Variants in PCDHA7 observed in about 807,000 individuals in gnomAD.
PCDHA7 encodes protocadherin alpha 7.
In PCDHA7, 37 loss-of-function variants were observed where a neutral mutation model predicts 57.2. That is an observed-to-expected ratio of 0.65 (90% CI 0.50 to 0.85). PCDHA7 has a LOEUF of 0.85. Ranked by LOEUF, PCDHA7 falls within the 40% of genes least tolerant of loss-of-function variation. PCDHA7 has a pLI of 0.00. For synonymous variants in PCDHA7, 553 were observed against 558.8 expected, an observed-to-expected ratio of 0.99 and a Z score of 0.15; for missense variants, 1,188 against 1,241.8, an observed-to-expected ratio of 0.96 and a Z score of 0.65.
In PCDHA7 at chr5:140,846,371, T is replaced by C. The variant is rs1395202174; in HGVS notation, c.2355+9633T>C. On this transcript the variant is annotated intron_variant, in intron 1 of 3. Transcript: ENST00000525929. ...CTCTTTTTTCTTTTCTTTTCTTTCTTTCTTTTTTTTTTTTTTTTTTTGAGA... is the reference window on the plus strand; with the variant it reads ...CTCTTTTTTCTTTTCTTTTCTTTCTCTCTTTTTTTTTTTTTTTTTTTGAGA... Among the ~76,000 whole-genome samples the C allele has an allele frequency of 3.6e-5, 4 of 111,996 alleles. 2 individuals carry two copies. Among genetic ancestry groups the C allele is most frequent in the Non-Finnish European group, 7.2e-5 (4 of 55,194 alleles). 73.5% of individuals were successfully genotyped at this position (111,996 alleles called of 152,430 possible).
rs551245842 is a variant in PCDHA7, at chr5:140,927,508, C to G, written c.2356-51441C>G. 3.7e-6 allele frequency: 6 copies of G among 1,614,074 alleles called. No individual in the cohort carries two copies. In the Admixed American group the frequency reaches 5.0e-5, roughly 13 times the overall value. ...CACCCACCTGCTGGTGCTTACAGCT[C>G]GGGACGGCGGGCTACCTGCCCGCTC... On this transcript the variant is annotated intron_variant, in intron 1 of 3. Coordinates refer to ENST00000525929, the MANE Select transcript of PCDHA7 (RefSeq NM_018910.3).
At chr5:140,871,080 G>T (rs1554165086) in intron 1 of PCDHA7, 2 of 1,613,094 alleles carry the variant, frequency 1.2e-6, no homozygotes, top group Admixed American at 1.7e-5. Context: ...CGGCGCTGAC[G>T]GCCACGGCCA....
Position 141,010,878 on chromosome 5 carries a change from A to C in PCDHA7, c.*941A>C, listed in dbSNP as rs2098418656. 1.3e-5 allele frequency: 2 copies of C among 153,770 alleles called. No homozygotes were observed. Among genetic ancestry groups the C allele is most frequent in the South Asian group, 4.1e-4 (2 of 4,830 alleles). The allele number at this position is 153,770 out of a possible 1,614,324, so 9.5% of individuals were successfully genotyped here. ...GAAAGTCTATAGCTATAAATCTTTA[A>C]AGAGAAATATGAATACAATTCCCCT... On this transcript the variant is annotated 3_prime_UTR_variant, in exon 4 of 4. Transcript: ENST00000525929.
chr5:140,979,514 C>G lies in PCDHA7; in HGVS notation c.2414+507C>G, dbSNP rs75440413. On this transcript the variant is annotated intron_variant, in intron 2 of 3. Transcript: ENST00000525929. Reference sequence around the variant, plus strand: ...ATTAGAGCCTCCTCATCTTTCCCATCTGTTGCTATCTTATTGTCATCAATG... The same window carrying G: ...ATTAGAGCCTCCTCATCTTTCCCATGTGTTGCTATCTTATTGTCATCAATG... 4.7e-4 allele frequency among the ~76,000 whole-genome samples: 71 copies of G among 152,274 alleles called. 1 individual carries two copies. In the East Asian group the frequency reaches 0.014, roughly 29 times the overall value.
intron 1 of PCDHA7, among the ~76,000 whole-genome samples, chr5:140,954,774 A>G (rs1396315075): frequency 1.3e-5 from 2 of 152,120 alleles, no homozygotes; most frequent in Admixed American, 1.3e-4. Flanking sequence ...TCTTTAATTT[A>G]ATTAGATCTC....
intron 1 of PCDHA7, among the ~76,000 whole-genome samples, chr5:140,922,423 T>C (rs1554200812): frequency 6.6e-6 from 1 of 152,170 alleles, no homozygotes; most frequent in Non-Finnish European, 1.5e-5. Context: ...GTACAGAGGC[T>C]GAGGGCAGAA....
rs371368253 is a variant in PCDHA7, at chr5:140,871,153, G to C, written c.2355+34415G>C. 77 of 1,613,298 alleles carry C rather than the reference G, an allele frequency of 4.8e-5. No homozygotes were observed. The African/African-American group carries it at 9.2e-4, about 19-fold the overall frequency. On this transcript the variant is annotated intron_variant, in intron 1 of 3. Transcript: ENST00000525929. ...AAAGGCCTCTTCCCGGACTTTGGCG[G>C]GCGCCGCGAGCCCAGAGGCTGCGCT...
chr5:140,966,575 A>C (rs2096022921), intron 1 of PCDHA7: 1 of 520,380 alleles, frequency 1.9e-6, no homozygotes, highest in Non-Finnish European at 3.2e-6. Context: ...ATGGGGAGTC[A>C]GCGAGGACGG....
intron 1 of PCDHA7, among the ~76,000 whole-genome samples, chr5:140,903,309 A>C (rs1435676177): frequency 6.6e-6 from 1 of 152,226 alleles, no homozygotes; most frequent in Non-Finnish European, 1.5e-5. Context: ...GTATACAATA[A>C]AGACAGCATT....
chr5:140,871,007 C>T (rs1554164969), intron 1 of PCDHA7: 1 of 1,613,314 alleles, frequency 6.2e-7, no homozygotes, highest in South Asian at 1.1e-5. Context: ...ACAACGCGTG[C>T]CCTGGACGAG....
chr5:140,988,623 T>C (rs147544785), intron 3 of PCDHA7, among the ~76,000 whole-genome samples: 188 of 152,312 alleles, frequency 1.2e-3, no homozygotes, highest in African/African-American at 3.6e-3. Context: ...AGAATGGAGA[T>C]GTCCTGGTTT....
intron 1 of PCDHA7, chr5:140,866,107 G>T (rs2049153150): frequency 6.6e-6 from 1 of 152,146 alleles, no homozygotes; most frequent in African/African-American, 2.4e-5. Flanking sequence ...GTAATTAAGA[G>T]TTGCCTTATA....
At chr5:140,871,545 A>G (rs1554165721) in intron 1 of PCDHA7, 1 of 1,501,736 alleles carries the variant, frequency 6.7e-7, no homozygotes, top group Non-Finnish European at 8.9e-7. Context: ...GAAATTATTT[A>G]AAATCCAGTT....
At chr5:140,993,538 A>T (rs1175611433) in intron 3 of PCDHA7, among the ~76,000 whole-genome samples, 1 of 151,668 alleles carries the variant, frequency 6.6e-6, no homozygotes, top group Non-Finnish European at 1.5e-5. Context: ...AGAGAGAGAG[A>T]TAGAGAAGTG....
In PCDHA7 at chr5:140,967,951, C is replaced by G. The variant is rs150201840; in HGVS notation, c.2356-10998C>G. On this transcript the variant is annotated intron_variant, in intron 1 of 3. Transcript: ENST00000525929. ...TCAGTGTCAATGACCAAGACTCAGG[C>G]CCCAACCGGAAAGTGAGCCTGGGTC... 6 of 1,614,078 alleles carry G rather than the reference C, an allele frequency of 3.7e-6. No homozygotes were observed. The African/African-American group carries it at 6.7e-5, about 18-fold the overall frequency.
intron 1 of PCDHA7, chr5:140,850,438 T>A: frequency 6.3e-7 from 1 of 1,597,768 alleles, no homozygotes; most frequent in Non-Finnish European, 8.6e-7. Context: ...CAGCGCCTAC[T>A]GGTGCTGGTG....
intron 3 of PCDHA7, among the ~76,000 whole-genome samples, chr5:140,999,423 C>G (rs1159862736): frequency 6.6e-6 from 1 of 152,100 alleles, no homozygotes; most frequent in Non-Finnish European, 1.5e-5. Context: ...AGCTAAGAGG[C>G]CAAGTACCTT....
intron 1 of PCDHA7, among the ~76,000 whole-genome samples, chr5:140,918,454 C>A (rs1168986520): frequency 6.6e-6 from 1 of 152,158 alleles, no homozygotes; most frequent in Non-Finnish European, 1.5e-5. Context: ...CAGTGGGCAT[C>A]CTTGTCTTAT....
intron 3 of PCDHA7, among the ~76,000 whole-genome samples, chr5:140,992,504 C>T (rs2097516189): frequency 6.6e-6 from 1 of 152,174 alleles, no homozygotes; most frequent in African/African-American, 2.4e-5. Context: ...GGATTCAATC[C>T]TGGGGCATGG....
Sources: gnomAD v4.1 joint callset for allele counts (sites outside exome capture counted in the v4.1 genomes callset) on GRCh38, gnomAD v4.1.1 for gene constraint, MANE v1.5 for transcripts, NCBI Gene and HGNC (gene_info 2026-07-23, HGNC 2026-07-21) for gene names.